TARS3: variants seen among roughly 807,000 people sequenced by gnomAD.
The protein encoded by TARS3 is threonine--tRNA ligase 2, cytoplasmic.
TARS3 carries 94 observed loss-of-function variants against 103.5 expected under a neutral mutation model. The ratio of observed to expected loss-of-function variants is 0.91; its 90% CI spans 0.77 to 1.08. TARS3 has a LOEUF of 1.08. Ranked by LOEUF, TARS3 falls within the 50% of genes least tolerant of loss-of-function variation. TARS3 has a pLI of 0.00. For synonymous variants in TARS3, 416 were observed against 355.4 expected (o/e 1.17, Z -1.92); for missense variants, 952 against 995.2 (o/e 0.96, Z 0.58).
chr15:101,670,703 C>T (rs1377319716), intron 15 of TARS3, among the ~76,000 whole-genome samples: 3 of 152,184 alleles, frequency 2.0e-5, no homozygotes, highest in Non-Finnish European at 2.9e-5. Context: ...AAAACCTATA[C>T]ACTAATATCT....
At chr15:101,708,585 TTACC>T (rs1191344655) in intron 6 of TARS3, among the ~76,000 whole-genome samples, 1 of 152,172 alleles carries the variant, frequency 6.6e-6, no homozygotes, top group African/African-American at 2.4e-5. Context: ...ACCTGGCCCT[TTACC>T]TACCTATGTC....
At chr15:101,703,804 C>G in intron 8 of TARS3, 55 bp downstream of exon 8, 1 of 1,057,402 alleles carries the variant, frequency 9.5e-7, no homozygotes, top group Non-Finnish European at 1.5e-6. Context: ...GATTAAAATC[C>G]TTTAATAGCT....
Position 101,714,554 on chromosome 15 carries a change from C to T in TARS3, c.690+286G>A, listed in dbSNP as rs185235193. The T allele has an allele frequency of 6.9e-3, 1,010 of 145,686 alleles. 15 individuals are homozygous for T. The highest frequency in any genetic ancestry group is 0.026 in the African/African-American group (910 of 34,588). The allele number at this position is 145,686 out of a possible 1,614,324, so 9.0% of individuals were successfully genotyped here. On this transcript the variant is annotated intron_variant, in intron 4 of 18. Transcript: ENST00000335968. ...AGGGGAGGTTGAGGCTGCAGTGAGC[C>T]GTGATTGCGCCACTGCACTCCAGTC...
intron 15 of TARS3, 87 bp downstream of exon 15, chr15:101,671,399 C>T: frequency 2.1e-6 from 2 of 964,272 alleles, no homozygotes; most frequent in Non-Finnish European, 1.6e-6. Context: ...TAGACATTCA[C>T]TAATGTTTAT....
At chr15:101,685,773 A>C in intron 11 of TARS3, 123 bp downstream of exon 11, 1 of 730,334 alleles carries the variant, frequency 1.4e-6, no homozygotes, top group Non-Finnish European at 2.0e-6. Flanking sequence ...ACTTAGTAAA[A>C]ATTAGTAATC....
chr15:101,691,944 C>T (rs937325763), intron 10 of TARS3, among the ~76,000 whole-genome samples: 1 of 152,088 alleles, frequency 6.6e-6, no homozygotes, highest in African/African-American at 2.4e-5. Flanking sequence ...TGCACTCAGG[C>T]GAGAATTACA....
intron 4 of TARS3, chr15:101,714,605 CAAAAAA>C (rs35014693): frequency 6.3e-4 from 49 of 77,722 alleles, no homozygotes; most frequent in South Asian, 1.4e-3. Context: ...GACTCCATCT[CAAAAAA>C]AAAAAAAAAA....
chr15:101,677,079 G>T (rs1404983703), intron 12 of TARS3, among the ~76,000 whole-genome samples: 1 of 152,124 alleles, frequency 6.6e-6, no homozygotes, highest in Admixed American at 6.5e-5. Context: ...CTATTCCTGT[G>T]TTAGTTTGCT....
intron 10 of TARS3, 90 bp downstream of exon 10, chr15:101,700,996 T>A: frequency 1.2e-6 from 1 of 816,642 alleles, no homozygotes; most frequent in Non-Finnish European, 1.9e-6. Flanking sequence ...GTAAAGTTAA[T>A]GGAAACGCTT....
At chr15:101,685,097 T>A (rs562497345) in intron 11 of TARS3, among the ~76,000 whole-genome samples, 1 of 152,324 alleles carries the variant, frequency 6.6e-6, no homozygotes, top group South Asian at 2.1e-4. Flanking sequence ...TTAAATTTCT[T>A]CTCATCTTCA....
At chr15:101,676,886 C>G (rs530910576) in intron 12 of TARS3, among the ~76,000 whole-genome samples, 1 of 151,152 alleles carries the variant, frequency 6.6e-6, no homozygotes, top group Non-Finnish European at 1.5e-5. Flanking sequence ...TGGTGGTTTG[C>G]TCCACCTATG....
chr15:101,693,011 C>T (rs1262126454), intron 10 of TARS3, among the ~76,000 whole-genome samples: 2 of 152,146 alleles, frequency 1.3e-5, no homozygotes, highest in Non-Finnish European at 2.9e-5. Flanking sequence ...TCCAGGGTTT[C>T]AAGACATGCA....
Position 101,654,696 on chromosome 15 carries a change from T to A in TARS3, c.2295A>T (p.Val765=). 1 of 1,614,114 alleles carries A rather than the reference T, an allele frequency of 6.2e-7. No homozygotes were observed. The highest frequency in any genetic ancestry group is 1.1e-5 in the South Asian group (1 of 91,050). Residue 765 remains valine, a synonymous_variant, in exon 19 of 19, where the codon GTA becomes GTT. Transcript: ENST00000335968. ...VGEKEKIDNA[V]NVRTRDNKIH... ...TTTTGTTGTCTCTTGTTCGCACGTT[T>A]ACAGCATTATCTATCTTTTCCTTTT...
intron 11 of TARS3, 73 bp downstream of exon 11, chr15:101,685,823 G>T: frequency 7.9e-7 from 1 of 1,260,296 alleles, no homozygotes; most frequent in Non-Finnish European, 1.1e-6. Flanking sequence ...ATTCCACAAA[G>T]CATTAAAAGA....
At chr15:101,689,168 C>A (rs1208913632) in intron 10 of TARS3, among the ~76,000 whole-genome samples, 3 of 152,124 alleles carry the variant, frequency 2.0e-5, no homozygotes, top group Non-Finnish European at 2.9e-5. Flanking sequence ...AGACTTACTA[C>A]CCTTGATCGC....
At chr15:101,693,527 T>C (rs978585410) in intron 10 of TARS3, among the ~76,000 whole-genome samples, 5 of 152,142 alleles carry the variant, frequency 3.3e-5, no homozygotes, top group African/African-American at 7.2e-5. Flanking sequence ...CATATCACCA[T>C]ATGACCCTGA....
chr15:101,672,629 T>C (rs1272314567), intron 13 of TARS3, among the ~76,000 whole-genome samples: 2 of 151,936 alleles, frequency 1.3e-5, no homozygotes, highest in Non-Finnish European at 2.9e-5. Context: ...CCTGGAGTCC[T>C]GGCAGCCTTT....
At chr15:101,715,618 T>A (rs1323238306) in intron 3 of TARS3, among the ~76,000 whole-genome samples, 1 of 152,264 alleles carries the variant, frequency 6.6e-6, no homozygotes, top group African/African-American at 2.4e-5. Flanking sequence ...TAAAAGCAGC[T>A]GCCGACATAA....
chr15:101,701,549 C>T (rs184611471), intron 9 of TARS3, among the ~76,000 whole-genome samples: 1 of 152,310 alleles, frequency 6.6e-6, no homozygotes, highest in East Asian at 1.9e-4. Context: ...AGAGCCTATC[C>T]TGTACCAGGC....
Sources: allele counts gnomAD v4.1 joint callset (sites outside exome capture counted in the v4.1 genomes callset), GRCh38; gene constraint gnomAD v4.1.1; transcripts MANE v1.5; gene names NCBI Gene and HGNC (gene_info 2026-07-23, HGNC 2026-07-21).